DPYD: variants seen among roughly 807,000 people sequenced by gnomAD.
The protein encoded by DPYD is dihydropyrimidine dehydrogenase.
A neutral mutation model predicts 116.2 loss-of-function variants in DPYD; 109 were observed. The observed-to-expected ratio is 0.94, with a 90% CI of 0.80 to 1.10. The LOEUF is 1.10. DPYD is among the 50% of genes least tolerant of loss of function. The pLI is 0.00. For missense variants in DPYD, 1,302 were observed against 1,254.5 expected (o/e 1.04, Z -0.57); for synonymous variants, 440 against 432.0 (o/e 1.02, Z -0.23).
chr1:97,170,156 T>A (rs531134518), intron 20 of DPYD, among the ~76,000 whole-genome samples: 46 of 152,164 alleles, frequency 3.0e-4, no homozygotes, highest in Non-Finnish European at 6.3e-4. Context: ...CCCTCATAAG[T>A]TTTCTCTTGG....
rs115857109 is a variant in DPYD, at chr1:97,870,033, T to C, written c.150+13231A>G. On this transcript the variant is annotated intron_variant, in intron 2 of 22. Coordinates refer to ENST00000370192, the MANE Select transcript of DPYD (RefSeq NM_000110.4). Reference sequence around the variant, plus strand: ...CCCCTACATACATTACACATAAATGTAGTATATACAGTTATTGATATTTGG... The same window carrying C: ...CCCCTACATACATTACACATAAATGCAGTATATACAGTTATTGATATTTGG... Among the ~76,000 whole-genome samples, 510 of 152,014 alleles carry C rather than the reference T, an allele frequency of 3.4e-3. 2 individuals carry two copies. The highest frequency in any genetic ancestry group is 5.6e-3 in the South Asian group (27 of 4,830).
At chr1:97,837,841 A>C (rs1669843242) in intron 2 of DPYD, among the ~76,000 whole-genome samples, 1 of 152,306 alleles carries the variant, frequency 6.6e-6, no homozygotes, top group Non-Finnish European at 1.5e-5. Context: ...AGCAGATAGT[A>C]GGCAAATAGA....
rs183342054 is a variant in DPYD, at chr1:97,807,863, T to A, written c.233+20251A>T. Among the ~76,000 whole-genome samples the A allele has an allele frequency of 7.9e-5, 12 of 152,218 alleles. No individual in the cohort carries two copies. The East Asian group carries it at 1.9e-3, about 25-fold the overall frequency. On this transcript the variant is annotated intron_variant, in intron 3 of 22. Transcript: ENST00000370192. ...TGTCTAGATTTTTTTTTAGCATGTG[T>A]ATGTCCAGTGGTTCCAGTATCATTT... is the stretch of plus-strand genomic sequence containing the variant.
chr1:97,157,646 G>T (rs896038759), intron 20 of DPYD, among the ~76,000 whole-genome samples: 4 of 152,070 alleles, frequency 2.6e-5, no homozygotes, highest in African/African-American at 9.7e-5. Flanking sequence ...AAAAAAGGAG[G>T]CTTGAAATTT....
intron 16 of DPYD, among the ~76,000 whole-genome samples, chr1:97,321,615 A>T (rs1232157448): frequency 2.6e-5 from 1 of 38,840 alleles, no homozygotes; most frequent in African/African-American, 7.1e-5. Flanking sequence ...GAGAAATAGG[A>T]ACACTTTTAC....
At chr1:97,626,706 GC>G (rs1200094282) in intron 8 of DPYD, among the ~76,000 whole-genome samples, 12 of 152,098 alleles carry the variant, frequency 7.9e-5, no homozygotes, top group Middle Eastern at 3.4e-3. Context: ...TTCCGCATTA[GC>G]CTGACCATTA....
chr1:97,573,504 T>C (rs1248681050), intron 11 of DPYD, among the ~76,000 whole-genome samples: 1 of 152,182 alleles, frequency 6.6e-6, no homozygotes, highest in African/African-American at 2.4e-5. Context: ...AATATCATTA[T>C]AGAGTAGAAT....
intron 13 of DPYD, among the ~76,000 whole-genome samples, chr1:97,485,638 T>A (rs1678590870): frequency 6.6e-6 from 1 of 152,242 alleles, no homozygotes; most frequent in Non-Finnish European, 1.5e-5. Flanking sequence ...TTTTTATTAA[T>A]TTTGATTTCT....
intron 16 of DPYD, among the ~76,000 whole-genome samples, chr1:97,363,011 C>T (rs1437512976): frequency 5.9e-5 from 9 of 152,110 alleles, no homozygotes; most frequent in South Asian, 2.1e-4. Flanking sequence ...TCAGAGTGAA[C>T]GGACAACCTA....
At chr1:97,092,674 T>G (rs114728107) in intron 21 of DPYD, among the ~76,000 whole-genome samples, 1 of 152,098 alleles carries the variant, frequency 6.6e-6, no homozygotes, top group Admixed American at 6.6e-5. Context: ...TCCTCCAGCA[T>G]AGGCCCATAA....
Position 97,630,450 on chromosome 1 carries a change from TG to T in DPYD, c.851-35285del, listed in dbSNP as rs1657188561. Among the ~76,000 whole-genome samples, 3 of 152,198 alleles carry T rather than the reference TG, an allele frequency of 2.0e-5. No homozygotes were observed. The South Asian group carries it at 6.2e-4, about 32-fold the overall frequency. The stretch of plus-strand genomic sequence containing the variant: ...TCTAGCTCCCTCCACATCCCCCTCT[TG>T]GGGTGCCTGCTCCTTCCTCTGAGCA... On this transcript the variant is annotated intron_variant, in intron 8 of 22. Coordinates refer to ENST00000370192, the MANE Select transcript of DPYD (RefSeq NM_000110.4).
chr1:97,863,536 A>G (rs1047064602), intron 2 of DPYD, among the ~76,000 whole-genome samples: 1 of 151,842 alleles, frequency 6.6e-6, no homozygotes, highest in African/African-American at 2.4e-5. Context: ...AAAGATGATT[A>G]AATATATAAT....
chr1:97,415,072 G>T (rs1674218086), intron 14 of DPYD, among the ~76,000 whole-genome samples: 1 of 152,026 alleles, frequency 6.6e-6, no homozygotes, highest in Non-Finnish European at 1.5e-5. Context: ...TATAAAAGAA[G>T]AAGGAGAAAA....
intron 18 of DPYD, among the ~76,000 whole-genome samples, chr1:97,286,881 C>T (rs888044373): frequency 3.3e-5 from 5 of 152,172 alleles, no homozygotes; most frequent in Admixed American, 2.0e-4. Context: ...TCCTGTAGCT[C>T]GGAGTAGTTT....
intron 16 of DPYD, among the ~76,000 whole-genome samples, chr1:97,345,746 C>CA (rs1669810019): frequency 6.6e-6 from 1 of 151,852 alleles, no homozygotes; most frequent in African/African-American, 2.4e-5. Context: ...AAAATGAGTG[C>CA]AAAGTCACTT....
intron 16 of DPYD, among the ~76,000 whole-genome samples, chr1:97,337,765 T>C (rs114209965): frequency 0.014 from 2,122 of 152,086 alleles, 54 homozygotes; most frequent in African/African-American, 0.049. Flanking sequence ...ACACTTTAAG[T>C]CTGGCAGAAT....
intron 13 of DPYD, among the ~76,000 whole-genome samples, chr1:97,482,281 C>G (rs1027024849): frequency 6.6e-6 from 1 of 152,164 alleles, no homozygotes; most frequent in East Asian, 1.9e-4. Context: ...GTGGTGTTAT[C>G]CATCTGAACA....
At chr1:97,134,014 A>AATAT (rs1165027630) in intron 20 of DPYD, among the ~76,000 whole-genome samples, 72 of 18,774 alleles carry the variant, frequency 3.8e-3, no homozygotes, top group Non-Finnish European at 5.8e-3. Context: ...AAAAAAAAAA[A>AATAT]ATATATATAT....
At chr1:97,826,606 C>CA (rs1557991360) in intron 3 of DPYD, among the ~76,000 whole-genome samples, 3 of 152,156 alleles carry the variant, frequency 2.0e-5, no homozygotes, top group South Asian at 4.1e-4. Flanking sequence ...TAAGCATTTA[C>CA]AAAAAATGTT....
Sources: allele counts gnomAD v4.1 joint callset (sites outside exome capture counted in the v4.1 genomes callset), GRCh38; gene constraint gnomAD v4.1.1; transcripts MANE v1.5; gene names NCBI Gene and HGNC (gene_info 2026-07-23, HGNC 2026-07-21).